The following NREP variants were observed in gnomAD, a reference collection of about 807,000 sequenced individuals.
The protein encoded by NREP is neuronal regeneration related protein.
A neutral mutation model predicts 8.6 loss-of-function variants in NREP; 5 were observed. The ratio of observed to expected loss-of-function variants is 0.58; its 90% CI spans 0.30 to 1.22. The LOEUF (loss-of-function observed/expected upper bound fraction) is 1.22. Among genes scored for constraint, NREP ranks in the 50% most tolerant of loss-of-function variants. The pLI is 0.07. For synonymous variants in NREP, 27 were observed against 28.0 expected (o/e 0.96, Z 0.11); for missense variants, 86 against 82.5 (o/e 1.04, Z -0.17).
chr5:111,760,104 T>C (rs1484020472), upstream of NREP, among the ~76,000 whole-genome samples: 1 of 152,224 alleles, frequency 6.6e-6, no homozygotes, highest in East Asian at 1.9e-4. Context: ...TTCAGTTATA[T>C]TGACATTTGG....
intron 2 of NREP, among the ~76,000 whole-genome samples, chr5:111,808,274 C>T (rs1249008516): frequency 6.6e-6 from 1 of 152,218 alleles, no homozygotes; most frequent in Non-Finnish European, 1.5e-5. Context: ...TTGCCTTCCC[C>T]ACTGTCTTGG....
At chr5:111,914,843 C>T (rs139755596) in intron 2 of NREP, among the ~76,000 whole-genome samples, 4 of 152,238 alleles carry the variant, frequency 2.6e-5, no homozygotes, top group Non-Finnish European at 5.9e-5. Context: ...AAAGCTTAAA[C>T]ATGCAATTTT....
chr5:111,843,766 T>C (rs1753090078), intron 2 of NREP, among the ~76,000 whole-genome samples: 1 of 152,174 alleles, frequency 6.6e-6, no homozygotes, highest in Non-Finnish European at 1.5e-5. Flanking sequence ...AGGTGGGGTC[T>C]ACAGGCAACC....
intron 3 of NREP, chr5:111,732,405 G>C (rs1334876133): frequency 1.3e-5 from 2 of 151,786 alleles, no homozygotes; most frequent in Non-Finnish European, 2.9e-5. Context: ...CGGACTTTGA[G>C]AGCATACAGC....
chr5:111,943,418 G>C (rs58377570), intron 2 of NREP, among the ~76,000 whole-genome samples: 1,896 of 151,902 alleles, frequency 0.012, 11 homozygotes, highest in Middle Eastern at 0.037. Flanking sequence ...CATTTCCCTG[G>C]GTGGTGAAGA....
intron 2 of NREP, among the ~76,000 whole-genome samples, chr5:111,937,343 C>T (rs1755712225): frequency 6.6e-6 from 1 of 152,104 alleles, no homozygotes; most frequent in Non-Finnish European, 1.5e-5. Context: ...AGTATTCAAG[C>T]ATGATTCACT....
chr5:111,957,976 G>A (rs937962373), intron 2 of NREP, among the ~76,000 whole-genome samples: 2 of 151,706 alleles, frequency 1.3e-5, no homozygotes, highest in Non-Finnish European at 3.0e-5. Flanking sequence ...ATGATTAAAA[G>A]AAAGAAAAAA....
chr5:111,814,835 C>T (rs1265413796), intron 2 of NREP, among the ~76,000 whole-genome samples: 1 of 151,526 alleles, frequency 6.6e-6, no homozygotes, highest in Non-Finnish European at 1.5e-5. Flanking sequence ...TATTGGAATG[C>T]TATTGAATAG....
chr5:111,888,306 G>A (rs532622083), intron 2 of NREP, among the ~76,000 whole-genome samples: 9 of 151,718 alleles, frequency 5.9e-5, no homozygotes, highest in Non-Finnish European at 1.2e-4. Context: ...AAAGGAAAGA[G>A]GTTTAATTGA....
At chr5:111,889,785 G>C (rs1361971429) in intron 2 of NREP, among the ~76,000 whole-genome samples, 2 of 152,142 alleles carry the variant, frequency 1.3e-5, no homozygotes, top group African/African-American at 4.8e-5. Flanking sequence ...AGTCCAAAAA[G>C]AGAGTCAGCA....
intron 2 of NREP, among the ~76,000 whole-genome samples, chr5:111,955,496 CAAA>C (rs70973621): frequency 2.1e-5 from 3 of 141,004 alleles, no homozygotes; most frequent in Non-Finnish European, 4.6e-5. Context: ...AAACAAAAAA[CAAA>C]AAAAAAAAAC....
upstream of NREP, among the ~76,000 whole-genome samples, chr5:111,761,346 C>A (rs1335792264): frequency 6.6e-6 from 1 of 152,146 alleles, no homozygotes; most frequent in Non-Finnish European, 1.5e-5. Context: ...TGTTGCACAA[C>A]CCTTGAGCCT....
chr5:111,846,445 T>TTTTTTTTTTTTTTTTAA (rs1753176561), intron 2 of NREP: 1 of 97,408 alleles, frequency 1.0e-5, no homozygotes, highest in Non-Finnish European at 2.1e-5. Flanking sequence ...TTTTTTTTTT[T>TTTTTTTTTTTTTTTTAA]GTCTAAAGGT....
chr5:111,758,058 C>A, upstream of NREP: 2 of 985,578 alleles, frequency 2.0e-6, no homozygotes, highest in Non-Finnish European at 2.4e-6. Flanking sequence ...CGCGGAGCCG[C>A]GCTCAGACAC....
At chr5:111,885,465 GA>G (rs1393433067) in intron 2 of NREP, among the ~76,000 whole-genome samples, 2 of 150,442 alleles carry the variant, frequency 1.3e-5, no homozygotes, top group East Asian at 3.9e-4. Context: ...CACAGAATTG[GA>G]AAAAACTACT....
At chr5:111,919,915 GAAA>G (rs1561346240) in intron 2 of NREP, among the ~76,000 whole-genome samples, 10 of 146,176 alleles carry the variant, frequency 6.8e-5, no homozygotes, top group Non-Finnish European at 1.2e-4. Flanking sequence ...AAGAAAGAAA[GAAA>G]GATCTGAACT....
intron 2 of NREP, among the ~76,000 whole-genome samples, chr5:111,787,564 A>G (rs1317360912): frequency 6.6e-6 from 1 of 152,022 alleles, no homozygotes; most frequent in Non-Finnish European, 1.5e-5. Context: ...TATTTTTGCC[A>G]CAGAAGGTGG....
chr5:111,802,502 C>CA (rs1293610974), intron 2 of NREP, among the ~76,000 whole-genome samples: 1 of 152,108 alleles, frequency 6.6e-6, no homozygotes, highest in East Asian at 1.9e-4. Flanking sequence ...GCAGGAAAGA[C>CA]AGAGTGTACA....
At chr5:111,889,116 A>G (rs1255199125) in intron 2 of NREP, among the ~76,000 whole-genome samples, 1 of 152,238 alleles carries the variant, frequency 6.6e-6, no homozygotes, top group Non-Finnish European at 1.5e-5. Flanking sequence ...CAGAGACTAG[A>G]TAATTTATAA....
Sources: allele counts gnomAD v4.1 joint callset (sites outside exome capture counted in the v4.1 genomes callset), GRCh38; gene constraint gnomAD v4.1.1; transcripts MANE v1.5; gene names NCBI Gene and HGNC (gene_info 2026-07-23, HGNC 2026-07-21).